PCED1B: variants seen among roughly 807,000 people sequenced by gnomAD.
The protein encoded by PCED1B is PC-esterase domain containing 1B.
For missense variants in PCED1B, 573 were observed against 573.9 expected (o/e 1.00, Z 0.02); for synonymous variants, 251 against 246.1 (o/e 1.02, Z -0.19).
chr12:47,123,887 G>A (rs538215138), intron 2 of PCED1B, among the ~76,000 whole-genome samples: 1 of 151,974 alleles, frequency 6.6e-6, no homozygotes, highest in South Asian at 2.1e-4. Context: ...CACTTTAGTG[G>A]CTACTTGATA....
intron 2 of PCED1B, among the ~76,000 whole-genome samples, chr12:47,141,686 T>C (rs1045586834): frequency 3.3e-5 from 5 of 152,142 alleles, no homozygotes; most frequent in African/African-American, 9.7e-5. Context: ...ACAGCATACC[T>C]TCAAAGAGCC....
intron 2 of PCED1B, among the ~76,000 whole-genome samples, chr12:47,120,539 T>A (rs974811803): frequency 1.3e-5 from 2 of 152,138 alleles, no homozygotes; most frequent in Admixed American, 1.3e-4. Flanking sequence ...CAGTGGCTCA[T>A]GCCTGTAATC....
intron 1 of PCED1B, among the ~76,000 whole-genome samples, chr12:47,099,265 A>C (rs1240506760): frequency 6.6e-6 from 1 of 152,328 alleles, no homozygotes; most frequent in Admixed American, 6.5e-5. Flanking sequence ...CATCAGTTGT[A>C]ATCTATTTCA....
chr12:47,121,652 G>A (rs1369619002), intron 2 of PCED1B, among the ~76,000 whole-genome samples: 4 of 152,162 alleles, frequency 2.6e-5, no homozygotes, highest in Non-Finnish European at 5.9e-5. Flanking sequence ...GCCTTAGGAA[G>A]TTCCTGCTGA....
At chr12:47,215,738 G>A (rs10128894) in intron 2 of PCED1B, among the ~76,000 whole-genome samples, 10,221 of 152,152 alleles carry the variant, frequency 0.067, 1,085 homozygotes, top group African/African-American at 0.23. Flanking sequence ...GACGTCAGTG[G>A]AGAGATGAAG....
At chr12:47,164,136 A>G (rs1941472205) in intron 2 of PCED1B, among the ~76,000 whole-genome samples, 1 of 152,224 alleles carries the variant, frequency 6.6e-6, no homozygotes, top group Admixed American at 6.5e-5. Flanking sequence ...CATCTAAACC[A>G]TAGCATTTTG....
intron 2 of PCED1B, among the ~76,000 whole-genome samples, chr12:47,168,091 A>T (rs1344449057): frequency 6.6e-6 from 1 of 152,048 alleles, no homozygotes; most frequent in African/African-American, 2.4e-5. Context: ...GAGGCCAGAG[A>T]TTGCTTTTTC....
chr12:47,116,595 A>AT (rs1235614721), intron 2 of PCED1B, among the ~76,000 whole-genome samples: 2 of 152,220 alleles, frequency 1.3e-5, no homozygotes, highest in Non-Finnish European at 2.9e-5. Context: ...CTAGTATAGT[A>AT]TAAGGTTTTA....
intron 3 of PCED1B, among the ~76,000 whole-genome samples, chr12:47,222,422 CAA>C (rs750444043): frequency 0.091 from 7,425 of 81,306 alleles, 289 homozygotes; most frequent in African/African-American, 0.19. Context: ...AACTCCATCT[CAA>C]AAAAAAAAAA....
chr12:47,207,651 A>G (rs1467040482), intron 2 of PCED1B, among the ~76,000 whole-genome samples: 1 of 152,182 alleles, frequency 6.6e-6, no homozygotes, highest in Non-Finnish European at 1.5e-5. Flanking sequence ...AAATGACAAT[A>G]AGGAAATCTT....
intron 1 of PCED1B, among the ~76,000 whole-genome samples, chr12:47,099,883 C>T (rs150400867): frequency 6.6e-6 from 1 of 152,310 alleles, no homozygotes; most frequent in East Asian, 1.9e-4. Flanking sequence ...TCTCAGGCTC[C>T]AATCCATTCC....
chr12:47,139,622 G>A (rs1940514268), intron 2 of PCED1B, among the ~76,000 whole-genome samples: 1 of 152,144 alleles, frequency 6.6e-6, no homozygotes, highest in South Asian at 2.1e-4. Flanking sequence ...GTATGTGTAT[G>A]TGTGCTGGGT....
At chr12:47,097,051 G>A (rs1196981242) in intron 1 of PCED1B, among the ~76,000 whole-genome samples, 2 of 152,150 alleles carry the variant, frequency 1.3e-5, no homozygotes, top group African/African-American at 4.8e-5. Flanking sequence ...TAGCCCCTCA[G>A]TTGATTCCCT....
At chr12:47,146,299 TC>T in intron 2 of PCED1B, among the ~76,000 whole-genome samples, 1 of 152,346 alleles carries the variant, frequency 6.6e-6, no homozygotes, top group South Asian at 2.1e-4. Context: ...TGGAATCTAC[TC>T]CTGGTGAAGA....
chr12:47,169,462 C>T (rs1941649345), intron 2 of PCED1B, among the ~76,000 whole-genome samples: 1 of 152,114 alleles, frequency 6.6e-6, no homozygotes, highest in Admixed American at 6.5e-5. Flanking sequence ...TTCAATATGG[C>T]AAGCTGCCAT....
intron 3 of PCED1B, among the ~76,000 whole-genome samples, chr12:47,230,380 G>A (rs978875929): frequency 1.3e-5 from 2 of 152,148 alleles, no homozygotes; most frequent in Non-Finnish European, 2.9e-5. Flanking sequence ...CACCACGCCT[G>A]GCCAAAGTAA....
chr12:47,097,518 G>A (rs1028934071), intron 1 of PCED1B, among the ~76,000 whole-genome samples: 1 of 152,170 alleles, frequency 6.6e-6, no homozygotes, highest in African/African-American at 2.4e-5. Context: ...GCACTGGACT[G>A]AACTTAGTTT....
intron 2 of PCED1B, among the ~76,000 whole-genome samples, chr12:47,134,644 C>T (rs571932606): frequency 5.9e-5 from 9 of 152,208 alleles, no homozygotes; most frequent in Admixed American, 1.3e-4. Context: ...CTGAGGAAGG[C>T]GGATCACGAG....
intron 2 of PCED1B, among the ~76,000 whole-genome samples, chr12:47,164,587 T>C (rs1941486373): frequency 1.3e-5 from 2 of 152,242 alleles, no homozygotes; most frequent in Admixed American, 1.3e-4. Flanking sequence ...ACACTGCCAG[T>C]AGCTGTACAA....
Sources: allele counts gnomAD v4.1 joint callset (sites outside exome capture counted in the v4.1 genomes callset), GRCh38; gene constraint gnomAD v4.1.1; transcripts MANE v1.5; gene names NCBI Gene and HGNC (gene_info 2026-07-23, HGNC 2026-07-21).